PALM2AKAP2: variants seen among roughly 807,000 people sequenced by gnomAD.
PALM2AKAP2 encodes PALM2-AKAP2 fusion protein.
Under a neutral mutation model 71.5 loss-of-function variants are expected in PALM2AKAP2, and 37 were observed. The observed-to-expected ratio is 0.52, with a 90% CI of 0.40 to 0.68. PALM2AKAP2 has a LOEUF of 0.68. Ranked by LOEUF, PALM2AKAP2 falls within the 30% of genes least tolerant of loss-of-function variation. The probability of loss-of-function intolerance (pLI) is 0.00; values close to 1 mark genes in which losing one functional copy is unlikely to be tolerated. For missense variants in PALM2AKAP2, 1,224 were observed against 1,191.8 expected, an observed-to-expected ratio of 1.03 and a Z score of -0.40; for synonymous variants, 468 against 478.8, an observed-to-expected ratio of 0.98 and a Z score of 0.29.
At chr9:110,084,528 C>T (rs1267516446) in intron 1 of PALM2AKAP2, among the ~76,000 whole-genome samples, 1 of 152,098 alleles carries the variant, frequency 6.6e-6, no homozygotes, top group Admixed American at 6.5e-5. Context: ...CAGGAGCTTC[C>T]TCAGATACCC....
chr9:110,074,723 C>T (rs538224340), intron 1 of PALM2AKAP2, among the ~76,000 whole-genome samples: 1 of 152,302 alleles, frequency 6.6e-6, no homozygotes, highest in Non-Finnish European at 1.5e-5. Flanking sequence ...TCACCATAGG[C>T]TGGGTGTGGT....
upstream of PALM2AKAP2, chr9:109,780,209 TCGGCTGGCGCGGCCGGCGGCGG>T: frequency 1.0e-6 from 1 of 961,430 alleles, no homozygotes; most frequent in Non-Finnish European, 1.3e-6. Flanking sequence ...TCCCACGTCC[TCGGCTGGCGCGGCCGGCGGCGG>T]CGGCGACCGG....
At chr9:109,727,617 G>A (rs145743219) in intron 1 of PALM2AKAP2, among the ~76,000 whole-genome samples, 29 of 152,276 alleles carry the variant, frequency 1.9e-4, no homozygotes, top group African/African-American at 6.7e-4. Flanking sequence ...GATTTGATGG[G>A]CACTAGCCCA....
chr9:110,153,347 A>G (rs1836369704), intron 2 of PALM2AKAP2, among the ~76,000 whole-genome samples: 1 of 152,190 alleles, frequency 6.6e-6, no homozygotes, highest in Non-Finnish European at 1.5e-5. Context: ...CTCTGTGGTC[A>G]TGACATCCAG....
At chr9:109,920,795 CAAATAAAT>C (rs3063871) in intron 3 of PALM2AKAP2, among the ~76,000 whole-genome samples, 1 of 150,630 alleles carries the variant, frequency 6.6e-6, no homozygotes, top group Non-Finnish European at 1.5e-5. Flanking sequence ...AATCACACCT[CAAATAAAT>C]AAATAAATAA....
At chr9:110,076,916 G>C (rs761174374) in intron 1 of PALM2AKAP2, among the ~76,000 whole-genome samples, 1 of 152,080 alleles carries the variant, frequency 6.6e-6, no homozygotes, top group Non-Finnish European at 1.5e-5. Context: ...TGTTTATTTC[G>C]TGGGCAATTC....
intron 2 of PALM2AKAP2, among the ~76,000 whole-genome samples, chr9:110,152,656 T>C (rs926320891): frequency 3.9e-5 from 6 of 152,198 alleles, no homozygotes; most frequent in South Asian, 2.1e-4. Flanking sequence ...GTGTCCACTA[T>C]TGGGGGAAGA....
chr9:109,942,364 G>A (rs1347533249), intron 6 of PALM2AKAP2, among the ~76,000 whole-genome samples: 1 of 152,210 alleles, frequency 6.6e-6, no homozygotes, highest in Non-Finnish European at 1.5e-5. Context: ...AAGGTAGTTT[G>A]CATGTTGCCA....
At chr9:109,640,956 G>T in intron 1 of PALM2AKAP2, 1 of 1,428,206 alleles carries the variant, frequency 7.0e-7, no homozygotes. Context: ...GCTCGGGTCC[G>T]CGTCCAGGAT....
intron 5 of PALM2AKAP2, among the ~76,000 whole-genome samples, chr9:109,925,725 T>A (rs1830942516): frequency 6.6e-6 from 1 of 152,124 alleles, no homozygotes; most frequent in South Asian, 2.1e-4. Flanking sequence ...TCCTCTGTCC[T>A]CTCCTCTCCT....
rs78595371 is a variant in PALM2AKAP2, at chr9:109,826,902, A to G, written c.46-40589A>G. On this transcript the variant is annotated intron_variant, in intron 1 of 9. Coordinates refer to the PALM2AKAP2 transcript ENST00000302798. The stretch of plus-strand genomic sequence containing the variant: ...GCTTTCTAGTGCAGCAATTTTCAGA[A>G]TACTGCCTTCTCAAAGATATGGTTC... Among the ~76,000 whole-genome samples the G allele has an allele frequency of 8.3e-3, 1,265 of 152,300 alleles. 9 individuals are homozygous for G. The highest frequency in any genetic ancestry group is 0.013 in the Non-Finnish European group (868 of 68,014).
chr9:109,720,044 A>G (rs932607022), intron 1 of PALM2AKAP2, among the ~76,000 whole-genome samples: 3 of 151,598 alleles, frequency 2.0e-5, no homozygotes, highest in South Asian at 2.1e-4. Flanking sequence ...GCTAGAGTGC[A>G]GTGGCGTGAT....
At chr9:109,913,978 G>C (rs1328102084) in intron 3 of PALM2AKAP2, among the ~76,000 whole-genome samples, 1 of 152,052 alleles carries the variant, frequency 6.6e-6, no homozygotes, top group African/African-American at 2.4e-5. Context: ...GGATGGTCTT[G>C]ATCTCCTGAC....
intron 7 of PALM2AKAP2, among the ~76,000 whole-genome samples, chr9:110,040,651 T>C (rs1833495218): frequency 6.6e-6 from 1 of 152,146 alleles, no homozygotes; most frequent in African/African-American, 2.4e-5. Flanking sequence ...ACTAGGAAAA[T>C]GTTACAGTCG....
intron 6 of PALM2AKAP2, chr9:109,945,033 A>T (rs896251340): frequency 6.6e-6 from 1 of 152,150 alleles, no homozygotes. Flanking sequence ...AAAAAATAAG[A>T]TAGTCTTGAG....
At chr9:109,760,207 G>A (rs935140542) in intron 1 of PALM2AKAP2, among the ~76,000 whole-genome samples, 7 of 152,154 alleles carry the variant, frequency 4.6e-5, no homozygotes, top group Admixed American at 1.3e-4. Context: ...AATTAAACAC[G>A]GGAAATAATT....
rs149471763 is a variant in PALM2AKAP2 at position 109,840,912 on chromosome 9, T to G, written c.46-26579T>G. On this transcript the variant is annotated intron_variant, in intron 1 of 9. Coordinates refer to the PALM2AKAP2 transcript ENST00000302798. ...TGGAGAAATAGGAACACTTTTACAC[T>G]GTTGGTGGGATGTAAACTAGTTCAA... is the stretch of plus-strand genomic sequence containing the variant. Among the ~76,000 whole-genome samples, 387 of 152,332 alleles carry G rather than the reference T, an allele frequency of 2.5e-3. 1 individual carries two copies. The highest frequency in any genetic ancestry group is 9.1e-3 in the African/African-American group (377 of 41,578).
intron 1 of PALM2AKAP2, among the ~76,000 whole-genome samples, chr9:109,797,792 A>G (rs553467410): frequency 2.8e-4 from 42 of 152,368 alleles, no homozygotes; most frequent in African/African-American, 9.1e-4. Context: ...ATAGGCCATC[A>G]GGTCCCAAAA....
intron 1 of PALM2AKAP2, among the ~76,000 whole-genome samples, chr9:109,784,516 A>G (rs1330286579): frequency 6.6e-6 from 1 of 152,268 alleles, no homozygotes; most frequent in East Asian, 1.9e-4. Context: ...GGGAAAGGCA[A>G]AAGCATGAAG....
Sources: gnomAD v4.1 joint callset for allele counts (sites outside exome capture counted in the v4.1 genomes callset) on GRCh38, gnomAD v4.1.1 for gene constraint, MANE v1.5 for transcripts, NCBI Gene and HGNC (gene_info 2026-07-23, HGNC 2026-07-21) for gene names.